The following MACIR variants were observed in gnomAD, a reference collection of about 807,000 sequenced individuals.
MACIR encodes macrophage immunometabolism regulator.
In MACIR, 4 loss-of-function variants were observed where a neutral mutation model predicts 14.3. The observed-to-expected ratio is 0.28, with a 90% CI of 0.14 to 0.64. MACIR has a LOEUF of 0.64. Ranked by LOEUF, MACIR falls within the 30% of genes least tolerant of loss-of-function variation. MACIR has a pLI of 0.83. For missense variants in MACIR, 228 were observed against 257.6 expected, an observed-to-expected ratio of 0.89 and a Z score of 0.79; for synonymous variants, 101 against 102.4, an observed-to-expected ratio of 0.99 and a Z score of 0.08.
At chr5:103,261,409 G>T (rs1355060280) in intron 1 of MACIR, among the ~76,000 whole-genome samples, 1 of 152,146 alleles carries the variant, frequency 6.6e-6, no homozygotes, top group Non-Finnish European at 1.5e-5. Flanking sequence ...TTGTTGTGTT[G>T]TACTTTGACA....
At chr5:103,264,017 T>A (rs748993117) in intron 1 of MACIR, among the ~76,000 whole-genome samples, 2 of 152,106 alleles carry the variant, frequency 1.3e-5, no homozygotes, top group Non-Finnish European at 1.5e-5. Context: ...GCTAAGTAGT[T>A]CCCCCAACCA....
intron 2 of MACIR, among the ~76,000 whole-genome samples, chr5:103,274,666 T>A (rs1363122258): frequency 1.3e-5 from 2 of 151,762 alleles, no homozygotes; most frequent in African/African-American, 4.8e-5. Context: ...TTTTTTTTTT[T>A]AAAGCTTTCT....
chr5:103,258,752 C>A (rs1007142834), upstream of MACIR: 14 of 152,978 alleles, frequency 9.2e-5, no homozygotes, highest in Admixed American at 2.6e-4. Context: ...TGGCGCCGAG[C>A]GCGGTGGGAG....
chr5:103,260,025 C>A (rs74744526), intron 1 of MACIR, among the ~76,000 whole-genome samples: 1 of 151,106 alleles, frequency 6.6e-6, no homozygotes, highest in African/African-American at 2.4e-5. Context: ...CAGTGGGTTA[C>A]TGATTTGGGT....
At chr5:103,262,934 A>G (rs1554236421) in intron 1 of MACIR, among the ~76,000 whole-genome samples, 1 of 152,138 alleles carries the variant, frequency 6.6e-6, no homozygotes, top group African/African-American at 2.4e-5. Flanking sequence ...TGTTTAGAAC[A>G]TTGGCCAAAA....
chr5:103,260,077 T>TTTG (rs1804622962), intron 1 of MACIR, among the ~76,000 whole-genome samples: 1 of 46,436 alleles, frequency 2.2e-5, no homozygotes, highest in Non-Finnish European at 5.9e-5. Context: ...GTGTGTGTGT[T>TTTG]TGTGTGTGTG....
intron 1 of MACIR, among the ~76,000 whole-genome samples, chr5:103,264,231 T>TA (rs1554236561): frequency 6.6e-6 from 1 of 152,122 alleles, no homozygotes; most frequent in African/African-American, 2.4e-5. Context: ...GGGTTCCAAT[T>TA]CCTGCTGTGA....
At chr5:103,266,465 C>T (rs1804926060) in intron 2 of MACIR, among the ~76,000 whole-genome samples, 1 of 152,128 alleles carries the variant, frequency 6.6e-6, no homozygotes, top group Admixed American at 6.5e-5. Context: ...TACAGCAGTT[C>T]ACTGAAAATG....
At chr5:103,265,295 C>G (rs2149924522) in intron 1 of MACIR, among the ~76,000 whole-genome samples, 1 of 152,260 alleles carries the variant, frequency 6.6e-6, no homozygotes, top group East Asian at 1.9e-4. Context: ...TGCTTTATGG[C>G]TACAATGAGT....
In MACIR at chr5:103,275,988, C is replaced by A. The variant is rs201791651; in HGVS notation, c.69C>A (p.Ala23=). 193 of 1,614,014 alleles carry A rather than the reference C, an allele frequency of 1.2e-4. No homozygotes were observed. In the Middle Eastern group the frequency reaches 2.6e-3, roughly 22 times the overall value. ...CCTTGCCCTTCCCTGGGGCTGAGGC[C>A]AACTCCCCGGGAAAGGCGGAGGCAG... ...LTTLPFPGAE[A]NSPGKAEAEK... is the part of the protein sequence containing the mutation. The change falls in exon 3 of 3, where the codon GCC becomes GCA. Residue 23 remains alanine, a synonymous_variant. Transcript: ENST00000319933.
rs1041958701 is a variant in MACIR, at chr5:103,277,978, A to G, written c.*1438A>G. 14 of 167,056 alleles carry G rather than the reference A, an allele frequency of 8.4e-5. No homozygotes were observed. The highest frequency in any genetic ancestry group is 5.9e-4 in the Admixed American group (9 of 15,294). The allele number at this position is 167,056 out of a possible 1,614,324, so 10.3% of individuals were successfully genotyped here. A position where few individuals can be genotyped will look rare whatever the true frequency, so the allele number is the denominator to read the frequency against. ...TGTGATTTTTCTTTAGCCAGAATGA[A>G]TGGCAAACTCTATTTAGAGCAAAGT... On this transcript the variant is annotated 3_prime_UTR_variant, in exon 3 of 3. Transcript: ENST00000319933.
chr5:103,259,887 G>C (rs1005485891), intron 1 of MACIR: 1 of 152,312 alleles, frequency 6.6e-6, no homozygotes, highest in Admixed American at 6.5e-5. Context: ...TCTAGTGGTG[G>C]AATCTGCAGG....
intron 2 of MACIR, among the ~76,000 whole-genome samples, chr5:103,275,375 A>G (rs1411557682): frequency 6.6e-6 from 1 of 152,216 alleles, no homozygotes; most frequent in Non-Finnish European, 1.5e-5. Context: ...CGTCAGCTCA[A>G]TCAACTTTAT....
At position 103,277,144 on chromosome 5, in the gene MACIR, T is replaced by A; in HGVS notation, c.*604T>A. 1 of 167,124 alleles carries A rather than the reference T, an allele frequency of 6.0e-6. No individual in the cohort carries two copies. The highest frequency in any genetic ancestry group is 1.9e-4 in the East Asian group (1 of 5,204). 10.4% of individuals were successfully genotyped at this position (167,124 alleles called of 1,614,324 possible). On this transcript the variant is annotated 3_prime_UTR_variant, in exon 3 of 3. Transcript: ENST00000319933. ...TAATGTTATTGAGCAATGAATTTTT[T>A]ATTTCCGCATGGAAAGTTATTGATC...
intron 2 of MACIR, among the ~76,000 whole-genome samples, chr5:103,272,612 C>T (rs1355306154): frequency 1.3e-5 from 2 of 152,066 alleles, no homozygotes; most frequent in Non-Finnish European, 2.9e-5. Flanking sequence ...CAGCATTCAG[C>T]CCAACTACAA....
intron 2 of MACIR, among the ~76,000 whole-genome samples, chr5:103,267,945 G>T (rs188247696): frequency 2.0e-5 from 3 of 152,070 alleles, no homozygotes; most frequent in Non-Finnish European, 4.4e-5. Context: ...TTTCCAGAAT[G>T]CCACGTAAGT....
chr5:103,276,194 G>C lies in MACIR; in HGVS notation c.275G>C (p.Arg92Pro), dbSNP rs782593060. ...AAAGCAGAAGCCATGCCATCCTTACGCTCCAAACAGCTAGATGCAGGACTT... is the reference window on the plus strand; with the variant it reads ...AAAGCAGAAGCCATGCCATCCTTACCCTCCAAACAGCTAGATGCAGGACTT... ...ESKAEAMPSL[R>P]SKQLDAGLAR... Residue 92 changes from arginine to proline, a missense_variant, in exon 3 of 3, where the codon CGC (arginine) becomes CCC (proline). Physicochemically the swap from Arg to Pro is moderately radical, Grantham distance 103. Transcript: ENST00000319933. 6.2e-7 allele frequency: 1 copy of C among 1,613,482 alleles called. No individual in the cohort carries two copies. Among genetic ancestry groups the C allele is most frequent in the Non-Finnish European group, 8.5e-7 (1 of 1,179,924 alleles).
intron 1 of MACIR, among the ~76,000 whole-genome samples, chr5:103,260,479 A>T (rs1804639140): frequency 1.3e-5 from 2 of 152,254 alleles, no homozygotes; most frequent in African/African-American, 4.8e-5. Flanking sequence ...TGAATGCATT[A>T]TAAACTGAAA....
chr5:103,269,112 G>A (rs1195406192), intron 2 of MACIR, among the ~76,000 whole-genome samples: 3 of 152,096 alleles, frequency 2.0e-5, no homozygotes, highest in South Asian at 2.1e-4. Context: ...GGAGGCTGAC[G>A]TGGGAGGATC....
Sources: allele counts gnomAD v4.1 joint callset (sites outside exome capture counted in the v4.1 genomes callset), GRCh38; gene constraint gnomAD v4.1.1; transcripts MANE v1.5; gene names NCBI Gene and HGNC (gene_info 2026-07-23, HGNC 2026-07-21).